Variants in NTM observed in about 807,000 individuals in gnomAD.
NTM encodes the protein IgLON family member 2.
A neutral mutation model predicts 42.1 loss-of-function variants in NTM; 13 were observed. The observed-to-expected ratio is 0.31, with a 90% CI of 0.20 to 0.49. The LOEUF is 0.49. Among genes scored for constraint, NTM ranks in the 20% least tolerant of loss-of-function variants. NTM has a pLI of 0.99. For synonymous variants in NTM, 187 were observed against 179.2 expected (o/e 1.04, Z -0.35); for missense variants, 373 against 452.8 (o/e 0.82, Z 1.60).
chr11:132,187,920 C>A (rs2078683353), intron 3 of NTM, among the ~76,000 whole-genome samples: 1 of 152,148 alleles, frequency 6.6e-6, no homozygotes, highest in South Asian at 2.1e-4. Context: ...GCAATCTGTC[C>A]CTCTGACTAA....
intron 3 of NTM, among the ~76,000 whole-genome samples, chr11:132,206,818 T>A (rs78706470): frequency 0.017 from 2,617 of 152,328 alleles, 81 homozygotes; most frequent in African/African-American, 0.059. Flanking sequence ...TGAAGCCATC[T>A]CTGGAACTCT....
At chr11:131,677,422 C>T (rs931791464) in intron 1 of NTM, among the ~76,000 whole-genome samples, 3 of 152,174 alleles carry the variant, frequency 2.0e-5, no homozygotes, top group Non-Finnish European at 4.4e-5. Flanking sequence ...TTTAACATAT[C>T]AGCGAGGTGC....
At chr11:131,983,794 C>T (rs1037420924) in intron 2 of NTM, among the ~76,000 whole-genome samples, 2 of 152,206 alleles carry the variant, frequency 1.3e-5, no homozygotes, top group Admixed American at 1.3e-4. Context: ...AGGAGAGAGG[C>T]TCTGCTCCAT....
At chr11:131,604,881 G>T (rs977259515) in intron 1 of NTM, among the ~76,000 whole-genome samples, 11 of 125,676 alleles carry the variant, frequency 8.8e-5, no homozygotes, top group African/African-American at 2.8e-4. Flanking sequence ...ATATGTGAGG[G>T]TTTTTTTTTC....
At position 131,734,296 on chromosome 11, in the gene NTM, C is replaced by T. The variant is rs58822400; in HGVS notation, c.83-177268C>T. ...GTGGCTGAATGGCCGCTGCCATGGT[C>T]TCATACTGAAGGATTTGATGGGGCC... On this transcript the variant is annotated intron_variant, in intron 1 of 8. Coordinates refer to ENST00000683400, the MANE Select transcript of NTM (RefSeq NM_001352005.2). Among the ~76,000 whole-genome samples, 27 of 152,286 alleles carry T rather than the reference C, an allele frequency of 1.8e-4. No individual in the cohort carries two copies. In the East Asian group the frequency reaches 4.1e-3, roughly 23 times the overall value.
chr11:131,885,758 G>C (rs1053176693), intron 1 of NTM, among the ~76,000 whole-genome samples: 1 of 152,224 alleles, frequency 6.6e-6, no homozygotes, highest in Non-Finnish European at 1.5e-5. Context: ...TTTGATACAA[G>C]AGGCTCCCTG....
rs188665958 is a variant in NTM, at chr11:131,628,490, C to T, written c.82+257602C>T. Among the ~76,000 whole-genome samples, 447 of 152,264 alleles carry T rather than the reference C, an allele frequency of 2.9e-3. 2 individuals are homozygous for T. Among genetic ancestry groups the T allele is most frequent in the African/African-American group, 0.01 (423 of 41,530 alleles). ...TTTTACAAGATTTTAGGTAGAATCA[C>T]GAGTGTGTGTCTGTGTGCATGTGTG... On this transcript the variant is annotated intron_variant, in intron 1 of 8. Transcript: ENST00000683400.
intron 2 of NTM, among the ~76,000 whole-genome samples, chr11:132,045,427 T>C (rs190689530): frequency 3.9e-5 from 6 of 152,310 alleles, no homozygotes; most frequent in Non-Finnish European, 5.9e-5. Flanking sequence ...ATAACATTTT[T>C]CCCATTGATT....
chr11:132,257,743 C>A (rs1408529209), intron 4 of NTM, among the ~76,000 whole-genome samples: 2 of 152,186 alleles, frequency 1.3e-5, no homozygotes, highest in Non-Finnish European at 2.9e-5. Context: ...CGATTGCTTG[C>A]GATCATCCAA....
chr11:131,433,859 A>G (rs187033480), intron 1 of NTM, among the ~76,000 whole-genome samples: 2 of 152,348 alleles, frequency 1.3e-5, no homozygotes, highest in African/African-American at 4.8e-5. Context: ...GCAGGTTGTT[A>G]CATAGGTATA....
intron 1 of NTM, among the ~76,000 whole-genome samples, chr11:131,744,209 A>T (rs1211038872): frequency 6.6e-6 from 1 of 152,206 alleles, no homozygotes; most frequent in East Asian, 1.9e-4. Context: ...AGTGTTTGTA[A>T]AGTACTTTAG....
chr11:131,485,756 C>T (rs891616047), intron 1 of NTM, among the ~76,000 whole-genome samples: 18 of 152,158 alleles, frequency 1.2e-4, no homozygotes, highest in African/African-American at 4.3e-4. Context: ...TTAATTTATG[C>T]TTGTCTGTAT....
intron 3 of NTM, among the ~76,000 whole-genome samples, chr11:132,191,836 C>A (rs956395929): frequency 2.0e-5 from 3 of 152,072 alleles, no homozygotes; most frequent in Non-Finnish European, 4.4e-5. Context: ...AACTGAACTG[C>A]TGGAAATTAA....
chr11:131,975,086 A>G (rs1373759884), intron 2 of NTM, among the ~76,000 whole-genome samples: 1 of 152,162 alleles, frequency 6.6e-6, no homozygotes, highest in Non-Finnish European at 1.5e-5. Context: ...GCCTTAAAAA[A>G]TATTCAGGTA....
chr11:131,530,924 G>T (rs572872503), intron 1 of NTM, among the ~76,000 whole-genome samples: 2 of 152,248 alleles, frequency 1.3e-5, no homozygotes, highest in Non-Finnish European at 2.9e-5. Flanking sequence ...AGAGAAGGGA[G>T]AACAGTAGTG....
At chr11:132,315,883 T>A (rs2095415495) in intron 7 of NTM, among the ~76,000 whole-genome samples, 1 of 152,194 alleles carries the variant, frequency 6.6e-6, no homozygotes, top group Admixed American at 6.5e-5. Flanking sequence ...GTGATTGATG[T>A]GTCTGGCATC....
chr11:131,515,832 C>A (rs1243523821), intron 1 of NTM, among the ~76,000 whole-genome samples: 4 of 152,094 alleles, frequency 2.6e-5, no homozygotes, highest in Non-Finnish European at 4.4e-5. Context: ...GGATGCCCAG[C>A]CTAATTTACA....
chr11:131,412,430 G>A (rs1234813217), intron 1 of NTM, among the ~76,000 whole-genome samples: 1 of 152,156 alleles, frequency 6.6e-6, no homozygotes, highest in East Asian at 1.9e-4. Flanking sequence ...TGTTTATCAT[G>A]TGTTTTCAAC....
rs1555261897 is a variant in NTM, at chr11:132,101,556, T to TGTGTGTGTGTGTG, written c.168-44726_168-44725insGTGTGTGTGTGTG. ...TTTGGATAGACCAAGGAACACAACC[T>TGTGTGTGTGTGTG]TGTGTGTGTGTGTGTGTGTGTGTGT... On this transcript the variant is annotated intron_variant, in intron 2 of 8. Coordinates refer to ENST00000683400, the MANE Select transcript of NTM (RefSeq NM_001352005.2). Among the ~76,000 whole-genome samples the TGTGTGTGTGTGTG allele has an allele frequency of 8.5e-3, 1,113 of 131,124 alleles. 18 individuals carry two copies. Among genetic ancestry groups the TGTGTGTGTGTGTG allele is most frequent in the Middle Eastern group, 0.034 (9 of 264 alleles). 86.0% of individuals were successfully genotyped at this position (131,124 alleles called of 152,430 possible). A position where few individuals can be genotyped will look rare whatever the true frequency, so the allele number is the denominator to read the frequency against.
Sources: gnomAD v4.1 joint callset for allele counts (sites outside exome capture counted in the v4.1 genomes callset) on GRCh38, gnomAD v4.1.1 for gene constraint, MANE v1.5 for transcripts, NCBI Gene and HGNC (gene_info 2026-07-23, HGNC 2026-07-21) for gene names.